GXYLT1: variants seen among roughly 807,000 people sequenced by gnomAD.
GXYLT1 encodes glucoside xylosyltransferase 1, also known as glycosyltransferase 8 domain containing 3.
Under a neutral mutation model 54.0 loss-of-function variants are expected in GXYLT1, and 29 were observed. That is an observed-to-expected ratio of 0.54 (90% CI 0.40 to 0.73). GXYLT1 has a LOEUF of 0.73. Among genes scored for constraint, GXYLT1 ranks in the 30% least tolerant of loss-of-function variants. GXYLT1 has a pLI of 0.00. For missense variants in GXYLT1, 490 were observed against 553.4 expected (o/e 0.89, Z 1.15); for synonymous variants, 176 against 204.1 (o/e 0.86, Z 1.17).
At chr12:42,118,953 T>A in intron 3 of GXYLT1, 47 bp downstream of exon 3, 1 of 1,332,396 alleles carries the variant, frequency 7.5e-7, no homozygotes, top group Non-Finnish European at 1.1e-6. Flanking sequence ...TATAGTATAT[T>A]ATTAAATATT....
At chr12:42,125,502 G>C (rs1458047269) in intron 2 of GXYLT1, among the ~76,000 whole-genome samples, 2 of 152,210 alleles carry the variant, frequency 1.3e-5, no homozygotes, top group African/African-American at 4.8e-5. Context: ...AGAAAGCAGC[G>C]TTAGAGGAGT....
At chr12:42,124,455 A>G (rs1380432788) in intron 2 of GXYLT1, among the ~76,000 whole-genome samples, 7 of 152,146 alleles carry the variant, frequency 4.6e-5, no homozygotes. Context: ...TTCATAAAAT[A>G]AACATTAAAA....
chr12:42,126,144 G>T (rs973280513), intron 2 of GXYLT1, among the ~76,000 whole-genome samples: 1 of 150,422 alleles, frequency 6.6e-6, no homozygotes, highest in African/African-American at 2.5e-5. Context: ...TGTGGTATTG[G>T]TTCACTGCAA....
At chr12:42,128,162 G>A (rs1420837160) in intron 2 of GXYLT1, among the ~76,000 whole-genome samples, 1 of 152,182 alleles carries the variant, frequency 6.6e-6, no homozygotes, top group Non-Finnish European at 1.5e-5. Flanking sequence ...CTTCCAGTCA[G>A]AAGGAATAAG....
chr12:42,144,361 C>G (rs888149939), intron 1 of GXYLT1, 65 bp downstream of exon 1: 5 of 1,124,350 alleles, frequency 4.4e-6, no homozygotes, highest in Non-Finnish European at 5.8e-6. Context: ...GCAGCCCGGG[C>G]TAGGCCGAGC....
intron 1 of GXYLT1, among the ~76,000 whole-genome samples, chr12:42,131,832 T>C (rs1034333984): frequency 6.6e-6 from 1 of 152,180 alleles, no homozygotes; most frequent in Admixed American, 6.5e-5. Context: ...TTCACACCCA[T>C]TTAGACTCAC....
intron 3 of GXYLT1, among the ~76,000 whole-genome samples, chr12:42,113,168 A>T (rs138384156): frequency 2.6e-5 from 4 of 151,082 alleles, no homozygotes; most frequent in African/African-American, 7.4e-5. Context: ...TACCAGCCAC[A>T]GCAAAATCAT....
intron 1 of GXYLT1, among the ~76,000 whole-genome samples, chr12:42,137,020 C>T (rs1224272241): frequency 2.6e-5 from 4 of 152,126 alleles, no homozygotes; most frequent in African/African-American, 7.2e-5. Context: ...AATCCACCCA[C>T]CTTTGCCTCC....
chr12:42,126,532 T>C (rs2065563443), intron 2 of GXYLT1, among the ~76,000 whole-genome samples: 1 of 152,118 alleles, frequency 6.6e-6, no homozygotes, highest in Admixed American at 6.6e-5. Context: ...TGGAATAGTG[T>C]GTTGCCATTG....
chr12:42,127,320 T>C (rs960969729), intron 2 of GXYLT1, among the ~76,000 whole-genome samples: 3 of 150,716 alleles, frequency 2.0e-5, no homozygotes, highest in South Asian at 2.1e-4. Flanking sequence ...GTTTGAGAAA[T>C]TTTTACATAA....
At chr12:42,116,674 T>C (rs1592116052) in intron 3 of GXYLT1, among the ~76,000 whole-genome samples, 1 of 152,224 alleles carries the variant, frequency 6.6e-6, no homozygotes, top group East Asian at 1.9e-4. Flanking sequence ...TTTGACACTG[T>C]TGGTGGGACT....
At chr12:42,104,557 TAAAAAA>T (rs10713678) in intron 5 of GXYLT1, among the ~76,000 whole-genome samples, 1 of 145,580 alleles carries the variant, frequency 6.9e-6, no homozygotes, top group Admixed American at 6.8e-5. Flanking sequence ...AAGGGAAAGC[TAAAAAA>T]AAAAAAAACT....
At chr12:42,111,491 C>G (rs540342222) in intron 3 of GXYLT1, among the ~76,000 whole-genome samples, 2 of 152,258 alleles carry the variant, frequency 1.3e-5, no homozygotes, top group African/African-American at 2.4e-5. Context: ...TATCCCTCAC[C>G]TGGCTCAGAG....
chr12:42,139,303 C>T (rs1324770809), intron 1 of GXYLT1, among the ~76,000 whole-genome samples: 2 of 151,952 alleles, frequency 1.3e-5, no homozygotes, highest in East Asian at 3.8e-4. Flanking sequence ...TAATTAATTA[C>T]TAGTATTTAT....
At chr12:42,117,078 T>C (rs1351420090) in intron 3 of GXYLT1, among the ~76,000 whole-genome samples, 1 of 126,858 alleles carries the variant, frequency 7.9e-6, no homozygotes, top group African/African-American at 3.1e-5. Flanking sequence ...AATTGAACAA[T>C]GAGAACACAT....
chr12:42,137,624 G>C (rs1410945363), intron 1 of GXYLT1, among the ~76,000 whole-genome samples: 1 of 151,890 alleles, frequency 6.6e-6, no homozygotes, highest in Non-Finnish European at 1.5e-5. Flanking sequence ...GGGCGTGGTG[G>C]CAGGCGCCTG....
At chr12:42,126,269 T>A (rs1376404729) in intron 2 of GXYLT1, among the ~76,000 whole-genome samples, 1 of 152,004 alleles carries the variant, frequency 6.6e-6, no homozygotes, top group African/African-American at 2.4e-5. Flanking sequence ...AGACGGGGTT[T>A]CACCATGTTG....
chr12:42,094,117 T>C (rs1004363587), intron 7 of GXYLT1, among the ~76,000 whole-genome samples: 1 of 151,564 alleles, frequency 6.6e-6, no homozygotes, highest in Non-Finnish European at 1.5e-5. Flanking sequence ...TCCCAGCACT[T>C]TGGGAGGCCA....
At chr12:42,140,409 C>T (rs932057342) in intron 1 of GXYLT1, among the ~76,000 whole-genome samples, 1 of 151,924 alleles carries the variant, frequency 6.6e-6, no homozygotes, top group Non-Finnish European at 1.5e-5. Context: ...AAAAAAAATC[C>T]CAACTTAAAA....
Sources: allele counts gnomAD v4.1 joint callset (sites outside exome capture counted in the v4.1 genomes callset), GRCh38; gene constraint gnomAD v4.1.1; transcripts MANE v1.5; gene names NCBI Gene and HGNC (gene_info 2026-07-23, HGNC 2026-07-21).